The following NEO1 variants were observed in gnomAD, a reference collection of about 807,000 sequenced individuals.
The protein encoded by NEO1 is neogenin 1, also known as neogenin.
A neutral mutation model predicts 159.7 loss-of-function variants in NEO1; 63 were observed. The ratio of observed to expected loss-of-function variants is 0.39; its 90% CI spans 0.32 to 0.49. The LOEUF is 0.49. Among genes scored for constraint, NEO1 ranks in the 20% least tolerant of loss-of-function variants. The pLI, the probability that NEO1 is intolerant of heterozygous loss-of-function variation, is 0.85. For missense variants in NEO1, 1,615 were observed against 1,831.0 expected (o/e 0.88, Z 2.15); for synonymous variants, 633 against 662.0 (o/e 0.96, Z 0.67).
rs562728469 is a variant in NEO1 at position 73,152,762 on chromosome 15, A to T, written c.1015+16735A>T. The stretch of plus-strand genomic sequence containing the variant: ...AGATAGTGTTGGAATTGAATTGGAG[A>T]ATACCCAGCTGGTGTCCACTGCTAG... On this transcript the variant is annotated intron_variant, in intron 5 of 28. Coordinates refer to ENST00000261908, the MANE Select transcript of NEO1 (RefSeq NM_002499.4). Among the ~76,000 whole-genome samples, 6 of 152,150 alleles carry T rather than the reference A, an allele frequency of 3.9e-5. No individual in the cohort carries two copies. The South Asian group carries it at 1.2e-3, about 32-fold the overall frequency.
chr15:73,278,976 C>T (rs764336328), intron 22 of NEO1, among the ~76,000 whole-genome samples: 14 of 152,212 alleles, frequency 9.2e-5, no homozygotes, highest in Non-Finnish European at 1.8e-4. Flanking sequence ...TAGGAATGAC[C>T]CTTACTGTCT....
intron 7 of NEO1, among the ~76,000 whole-genome samples, chr15:73,188,416 A>G (rs1190561268): frequency 6.6e-6 from 1 of 152,120 alleles, no homozygotes; most frequent in African/African-American, 2.4e-5. Flanking sequence ...ATATCCTGAG[A>G]TCTTCCTGAT....
At chr15:73,283,383 C>T (rs2041809435) in intron 23 of NEO1, among the ~76,000 whole-genome samples, 1 of 152,212 alleles carries the variant, frequency 6.6e-6, no homozygotes, top group African/African-American at 2.4e-5. Context: ...CAGAGGCTAG[C>T]AGCTATGATA....
At chr15:73,229,051 T>C (rs1383154137) in intron 7 of NEO1, among the ~76,000 whole-genome samples, 2 of 152,198 alleles carry the variant, frequency 1.3e-5, no homozygotes, top group Non-Finnish European at 2.9e-5. Context: ...TGATAATTGA[T>C]TTGGCTATTC....
intron 5 of NEO1, among the ~76,000 whole-genome samples, chr15:73,168,106 A>G (rs898724947): frequency 6.6e-6 from 1 of 152,182 alleles, no homozygotes; most frequent in Non-Finnish European, 1.5e-5. Context: ...TGGGATTTCA[A>G]TAGTAAATAG....
chr15:73,258,603 A>G (rs2040474547), intron 13 of NEO1, among the ~76,000 whole-genome samples, 163 bp from the exon 14 acceptor site: 2 of 152,304 alleles, frequency 1.3e-5, no homozygotes, highest in East Asian at 1.9e-4. Context: ...AAGCTACTCT[A>G]TGTTGTATTT....
At chr15:73,099,954 A>G (rs1372436033) in intron 1 of NEO1, among the ~76,000 whole-genome samples, 1 of 152,196 alleles carries the variant, frequency 6.6e-6, no homozygotes, top group Non-Finnish European at 1.5e-5. Context: ...CTTGTTCACT[A>G]TCATTTGTAT....
intron 7 of NEO1, among the ~76,000 whole-genome samples, chr15:73,226,211 C>T (rs1236718654): frequency 3.3e-5 from 5 of 152,168 alleles, no homozygotes; most frequent in Admixed American, 3.3e-4. Context: ...TGTGGGTCCT[C>T]TCGGGATTTC....
chr15:73,297,903 G>A (rs1050097071), intron 26 of NEO1, among the ~76,000 whole-genome samples: 16 of 152,230 alleles, frequency 1.1e-4, no homozygotes, highest in African/African-American at 2.9e-4. Flanking sequence ...TGCAGTGACC[G>A]CCAGGCCTTG....
At chr15:73,174,928 G>A (rs2035196724) in intron 5 of NEO1, among the ~76,000 whole-genome samples, 1 of 152,164 alleles carries the variant, frequency 6.6e-6, no homozygotes, top group Non-Finnish European at 1.5e-5. Context: ...CACTGTGAAT[G>A]TATGTTGTTT....
intron 5 of NEO1, among the ~76,000 whole-genome samples, chr15:73,173,293 G>A (rs1392329003): frequency 6.6e-6 from 1 of 151,980 alleles, no homozygotes; most frequent in East Asian, 1.9e-4. Context: ...AAAATTTTGA[G>A]GAAATAAAGG....
At chr15:73,170,951 G>A (rs139541010) in intron 5 of NEO1, among the ~76,000 whole-genome samples, 1 of 151,368 alleles carries the variant, frequency 6.6e-6, no homozygotes, top group Non-Finnish European at 1.5e-5. Flanking sequence ...AGACACACAT[G>A]ATGAACCTCC....
At chr15:73,183,295 A>G (rs2151977535) in intron 7 of NEO1, among the ~76,000 whole-genome samples, 1 of 152,132 alleles carries the variant, frequency 6.6e-6, no homozygotes, top group Non-Finnish European at 1.5e-5. Context: ...GCCTCAAACC[A>G]GTGGGGGAGG....
chr15:73,203,121 C>A (rs2036999384), intron 7 of NEO1, among the ~76,000 whole-genome samples: 1 of 152,136 alleles, frequency 6.6e-6, no homozygotes, highest in Non-Finnish European at 1.5e-5. Context: ...CTAGTGTATA[C>A]TCAGAGTGGA....
At chr15:73,205,349 G>T (rs887639386) in intron 7 of NEO1, among the ~76,000 whole-genome samples, 3 of 152,146 alleles carry the variant, frequency 2.0e-5, no homozygotes, top group African/African-American at 7.2e-5. Context: ...CAGGAAAGCT[G>T]AAGAAAATTG....
intron 1 of NEO1, among the ~76,000 whole-genome samples, chr15:73,106,896 C>T (rs1322965919): frequency 1.3e-5 from 2 of 152,196 alleles, no homozygotes; most frequent in Non-Finnish European, 2.9e-5. Flanking sequence ...AATTCCCATT[C>T]TGTCTTAGAA....
At chr15:73,289,758 T>A (rs574370493) in intron 25 of NEO1, among the ~76,000 whole-genome samples, 1 of 152,098 alleles carries the variant, frequency 6.6e-6, no homozygotes, top group Admixed American at 6.5e-5. Flanking sequence ...GCCTGGGCAA[T>A]GTAGTGGGAC....
At chr15:73,216,812 G>A (rs1443971069) in intron 7 of NEO1, among the ~76,000 whole-genome samples, 1 of 152,126 alleles carries the variant, frequency 6.6e-6, no homozygotes, top group African/African-American at 2.4e-5. Context: ...TGAATTCATT[G>A]TAGATTCTGG....
At chr15:73,176,282 G>A in intron 5 of NEO1, 121 bp from the exon 6 acceptor site, 1 of 549,356 alleles carries the variant, frequency 1.8e-6, no homozygotes, top group East Asian at 3.4e-5. Flanking sequence ...GCAAAAATAT[G>A]TGAAAGCTTC....
Sources: allele counts gnomAD v4.1 joint callset (sites outside exome capture counted in the v4.1 genomes callset), GRCh38; gene constraint gnomAD v4.1.1; transcripts MANE v1.5; gene names NCBI Gene and HGNC (gene_info 2026-07-23, HGNC 2026-07-21).